PRAC2: variants seen among roughly 807,000 people sequenced by gnomAD.
The protein encoded by PRAC2 is PRAC2 small nuclear protein.
For synonymous variants in PRAC2, 43 were observed against 49.5 expected (o/e 0.87, Z 0.55); for missense variants, 92 against 114.5 (o/e 0.80, Z 0.90).
chr17:48,723,545 G>T (rs542857631), intron 1 of PRAC2: 2 of 443,602 alleles, frequency 4.5e-6, no homozygotes, highest in Non-Finnish European at 7.5e-6. Flanking sequence ...TGGGGGGCCT[G>T]GATGAGGCTT....
At chr17:48,722,939 T>C (rs529093154), upstream of PRAC2, among the ~76,000 whole-genome samples, 30 of 152,276 alleles carry the variant, frequency 2.0e-4, no homozygotes, top group African/African-American at 7.0e-4. Context: ...CCTGTGCACC[T>C]CCCAGTTCGG....
At chr17:48,719,899 C>T (rs2038128842), upstream of PRAC2, among the ~76,000 whole-genome samples, 1 of 152,196 alleles carries the variant, frequency 6.6e-6, no homozygotes, top group African/African-American at 2.4e-5. Context: ...CCGCCCTTCC[C>T]CTCCACCCCT....
chr17:48,722,497 G>T (rs2038156890), upstream of PRAC2: 2 of 947,984 alleles, frequency 2.1e-6, no homozygotes, highest in African/African-American at 1.6e-5. Context: ...CTGTTTGCAC[G>T]CCTTAGGCTA....
At chr17:48,723,764 T>C in intron 1 of PRAC2, 1 of 1,231,704 alleles carries the variant, frequency 8.1e-7, no homozygotes. Context: ...CAAAAAGAGC[T>C]TCCGGAGGTA....
At chr17:48,718,944 A>G (rs1320945277), upstream of PRAC2, among the ~76,000 whole-genome samples, 1 of 152,154 alleles carries the variant, frequency 6.6e-6, no homozygotes, top group Non-Finnish European at 1.5e-5. Flanking sequence ...TACGGAGGCC[A>G]GGAGCTTTTC....
At chr17:48,722,981 T>G (rs1044395199), upstream of PRAC2, among the ~76,000 whole-genome samples, 9 of 152,158 alleles carry the variant, frequency 5.9e-5, no homozygotes, top group African/African-American at 2.2e-4. Flanking sequence ...AAGGTAATGG[T>G]GGAATTCTTT....
At chr17:48,722,256 C>T (rs751610338), upstream of PRAC2, 57 of 1,415,522 alleles carry the variant, frequency 4.0e-5, no homozygotes, top group Non-Finnish European at 5.7e-5. Context: ...CCAGGGCCTC[C>T]TGATGCAGCT....
At chr17:48,721,380 C>T (rs2038143471), upstream of PRAC2, among the ~76,000 whole-genome samples, 1 of 152,208 alleles carries the variant, frequency 6.6e-6, no homozygotes, top group South Asian at 2.1e-4. Context: ...GGCTGGAGTG[C>T]AATGGCATAA....
At chr17:48,719,677 A>C (rs191439850), upstream of PRAC2, among the ~76,000 whole-genome samples, 114 of 152,390 alleles carry the variant, frequency 7.5e-4, 1 homozygote, top group African/African-American at 2.7e-3. Context: ...AGAATAAGGT[A>C]AACGAACATG....
At position 48,724,749 on chromosome 17, in the gene PRAC2, T is replaced by G; in HGVS notation, c.*66T>G. On this transcript the variant is annotated 3_prime_UTR_variant, in exon 2 of 2. Coordinates refer to ENST00000422730, the MANE Select transcript of PRAC2 (RefSeq NM_001282275.2). ...CTAACACACCAGTGGAATAAATCTCTAAGATTCCACATCTTTTGTTTGCTC... is the reference window on the plus strand; with the variant it reads ...CTAACACACCAGTGGAATAAATCTCGAAGATTCCACATCTTTTGTTTGCTC... The G allele has an allele frequency of 8.6e-5, 72 of 840,560 alleles. No homozygotes were observed. The highest frequency in any genetic ancestry group is 1.8e-4 in the South Asian group (3 of 16,434). The allele number at this position is 840,560 out of a possible 1,614,324, so 52.1% of individuals were successfully genotyped here.
Position 48,723,860 on chromosome 17 carries a change from G to C in PRAC2, c.-83-468G>C, listed in dbSNP as rs375498996. The C allele has an allele frequency of 2.1e-5, 21 of 1,020,262 alleles. No individual in the cohort carries two copies. The Admixed American group carries it at 3.0e-4, about 15-fold the overall frequency. The allele number at this position is 1,020,262 out of a possible 1,614,324, so 63.2% of individuals were successfully genotyped here. A position where few individuals can be genotyped will look rare whatever the true frequency, so the allele number is the denominator to read the frequency against. ...TTGCTTTGGAGTTAGAAATTATTTCGGGCCTGGAGCCCGCGTAGACGCGAC... is the reference window on the plus strand; with the variant it reads ...TTGCTTTGGAGTTAGAAATTATTTCCGGCCTGGAGCCCGCGTAGACGCGAC... On this transcript the variant is annotated intron_variant, in intron 1 of 1. Transcript: ENST00000422730.
At chr17:48,722,513 G>C, upstream of PRAC2, 2 of 809,804 alleles carry the variant, frequency 2.5e-6, no homozygotes, top group South Asian at 1.5e-5. Context: ...GGCTAGGAGA[G>C]GAAGGACGGG....
At position 48,724,555 on chromosome 17, in the gene PRAC2, C is replaced by A. The variant is rs976776672; in HGVS notation, c.145C>A (p.Pro49Thr). 6 of 1,232,236 alleles carry A rather than the reference C, an allele frequency of 4.9e-6. No individual in the cohort carries two copies. Among genetic ancestry groups the A allele is most frequent in the African/African-American group, 3.1e-5 (2 of 64,414 alleles). The allele number at this position is 1,232,236 out of a possible 1,614,324, so 76.3% of individuals were successfully genotyped here. ...AGPIHLPMPW[P>T]NGRRHRVLDP... ...ACCAATACATCTGCCGATGCCCTGG[C>A]CGAATGGCAGGCGACATCGGGTCCT... The change falls in exon 2 of 2, where the codon CCG becomes ACG. Residue 49 changes from proline (P) to threonine (T), a missense_variant. By Grantham distance (38) the Pro-to-Thr change is conservative. Transcript: ENST00000422730.
upstream of PRAC2, chr17:48,722,298 T>G (rs1380216644): frequency 6.2e-7 from 1 of 1,604,066 alleles, no homozygotes; most frequent in Admixed American, 1.7e-5. Context: ...ATAACGCCCT[T>G]GGCCCACCGA....
upstream of PRAC2, among the ~76,000 whole-genome samples, chr17:48,720,318 C>G (rs1020716955): frequency 1.3e-5 from 2 of 152,218 alleles, no homozygotes; most frequent in African/African-American, 4.8e-5. Context: ...CTAGCTCACC[C>G]GGAGTAAGGA....
intron 1 of PRAC2, chr17:48,723,783 G>C (rs1005278892): frequency 1.1e-5 from 13 of 1,230,712 alleles, no homozygotes; most frequent in Non-Finnish European, 1.3e-5. Flanking sequence ...TAGTTTCTAC[G>C]CATTGCGCCA....
At chr17:48,721,417 C>A (rs2038143813), upstream of PRAC2, among the ~76,000 whole-genome samples, 3 of 152,184 alleles carry the variant, frequency 2.0e-5, no homozygotes, top group Admixed American at 1.3e-4. Context: ...CCTCCACCTC[C>A]CAGGTTCGAG....
upstream of PRAC2, among the ~76,000 whole-genome samples, chr17:48,719,587 T>C (rs1379895040): frequency 6.6e-6 from 1 of 152,186 alleles, no homozygotes; most frequent in Admixed American, 6.5e-5. Context: ...CTCTAATAAA[T>C]CATCGGCCTT....
rs934505699 is a variant in PRAC2, at chr17:48,723,459, AG to A, written c.-84+153del. On this transcript the variant is annotated intron_variant, in intron 1 of 1. Coordinates refer to ENST00000422730, the MANE Select transcript of PRAC2 (RefSeq NM_001282275.2). ...AGCACCTTCAATATAACTTTAATGA[AG>A]GGGGGGAGGGGAGCTGCAGGGAAGA... 4.9e-4 allele frequency: 182 copies of A among 369,302 alleles called. 1 individual carries two copies. The highest frequency in any genetic ancestry group is 4.9e-3 in the East Asian group (122 of 25,100). The allele number at this position is 369,302 out of a possible 1,614,324, so 22.9% of individuals were successfully genotyped here. A position where few individuals can be genotyped will look rare whatever the true frequency, so the allele number is the denominator to read the frequency against.
Sources: gnomAD v4.1 joint callset for allele counts (sites outside exome capture counted in the v4.1 genomes callset) on GRCh38, gnomAD v4.1.1 for gene constraint, MANE v1.5 for transcripts, NCBI Gene and HGNC (gene_info 2026-07-23, HGNC 2026-07-21) for gene names.